The following TTC27 variants were observed in gnomAD, a reference collection of about 807,000 sequenced individuals.
TTC27 encodes tetratricopeptide repeat domain 27.
Under a neutral mutation model 115.9 loss-of-function variants are expected in TTC27, and 79 were observed. The ratio of observed to expected loss-of-function variants is 0.68; its 90% CI spans 0.57 to 0.82. The LOEUF (loss-of-function observed/expected upper bound fraction) is 0.82. Among genes scored for constraint, TTC27 ranks in the 40% least tolerant of loss-of-function variants. The pLI, the probability that TTC27 is intolerant of heterozygous loss-of-function variation, is 0.00. For missense variants in TTC27, 1,054 were observed against 993.1 expected (o/e 1.06, Z -0.82); for synonymous variants, 401 against 356.0 (o/e 1.13, Z -1.42).
At chr2:32,800,512 T>G (rs1455324247) in intron 16 of TTC27, among the ~76,000 whole-genome samples, 1 of 150,664 alleles carries the variant, frequency 6.6e-6, no homozygotes, top group African/African-American at 2.4e-5. Flanking sequence ...ATCATTATTT[T>G]TTTGAGACAG....
chr2:32,633,970 T>C lies in TTC27; in HGVS notation c.361T>C (p.Phe121Leu). Reference protein sequence around the residue: ...GPPVDLHPQDFLSSVLFQQFS... With the variant: ...GPPVDLHPQDLLSSVLFQQFS... The stretch of plus-strand genomic sequence containing the variant: ...CCCTGTTGACTTACACCCTCAGGAC[T>C]TTTTGTCATCTGTTTTGTTCCAGCA... The change falls in exon 3 of 20, where the codon TTT becomes CTT. Residue 121 changes from phenylalanine (F) to leucine (L), a missense_variant. Transcript: ENST00000317907. The C allele has an allele frequency of 6.2e-7, 1 of 1,613,800 alleles. No homozygotes were observed. The highest frequency in any genetic ancestry group is 8.5e-7 in the Non-Finnish European group (1 of 1,179,816).
chr2:32,743,523 A>T (rs545248632), intron 12 of TTC27, among the ~76,000 whole-genome samples: 1 of 152,326 alleles, frequency 6.6e-6, no homozygotes, highest in South Asian at 2.1e-4. Flanking sequence ...TCATAAATAT[A>T]AATGAGCCCC....
chr2:32,631,415 G>C (rs1664205793), intron 2 of TTC27, among the ~76,000 whole-genome samples: 1 of 152,200 alleles, frequency 6.6e-6, no homozygotes, highest in South Asian at 2.1e-4. Context: ...ATAGAGCTCA[G>C]AGAACTTAAT....
intron 16 of TTC27, among the ~76,000 whole-genome samples, chr2:32,807,622 T>C (rs754882937): frequency 6.6e-5 from 10 of 152,242 alleles, no homozygotes. Context: ...TAGGATACTA[T>C]GATTATGGGG....
chr2:32,704,091 C>G (rs1439377278), intron 10 of TTC27, among the ~76,000 whole-genome samples: 1 of 152,228 alleles, frequency 6.6e-6, no homozygotes, highest in South Asian at 2.1e-4. Context: ...ATTTCCTAAA[C>G]ATCCTACTGC....
intron 9 of TTC27, among the ~76,000 whole-genome samples, chr2:32,695,091 G>T (rs1197708141): frequency 1.3e-5 from 2 of 152,182 alleles, no homozygotes; most frequent in East Asian, 1.9e-4. Flanking sequence ...CAGTTCAGTG[G>T]CATTAAGTAC....
chr2:32,764,641 A>G (rs550226224), intron 13 of TTC27, among the ~76,000 whole-genome samples: 1 of 152,316 alleles, frequency 6.6e-6, no homozygotes, highest in Non-Finnish European at 1.5e-5. Flanking sequence ...CTTTCATGCC[A>G]GATTTCTCTG....
chr2:32,817,059 TTTTCCCAAAA>T, intron 18 of TTC27, among the ~76,000 whole-genome samples: 1 of 152,224 alleles, frequency 6.6e-6, no homozygotes, highest in South Asian at 2.1e-4. Context: ...AATCACCTGT[TTTTCCCAAAA>T]TTCCCTGGAG....
chr2:32,786,910 A>G, intron 15 of TTC27, 74 bp from the exon 16 acceptor site: 1 of 1,278,258 alleles, frequency 7.8e-7, no homozygotes, highest in Non-Finnish European at 1.1e-6. Flanking sequence ...TTAGTATTTT[A>G]TACATTTAGC....
intron 16 of TTC27, among the ~76,000 whole-genome samples, chr2:32,798,395 A>C (rs1172250741): frequency 6.8e-6 from 1 of 147,140 alleles, no homozygotes; most frequent in Non-Finnish European, 1.5e-5. Flanking sequence ...GCGCGACTCC[A>C]TCTCAAAAAA....
At chr2:32,642,133 A>G (rs1664674681) in intron 4 of TTC27, among the ~76,000 whole-genome samples, 1 of 152,058 alleles carries the variant, frequency 6.6e-6, no homozygotes, top group Non-Finnish European at 1.5e-5. Context: ...CTGGGATTAC[A>G]GGTGTGAGCC....
intron 10 of TTC27, among the ~76,000 whole-genome samples, chr2:32,724,942 G>C (rs1042903002): frequency 5.3e-5 from 8 of 152,204 alleles, no homozygotes; most frequent in African/African-American, 1.4e-4. Flanking sequence ...AAGGCAAGGA[G>C]GAGCAAGTCA....
chr2:32,817,986 G>A (rs1671562670), intron 19 of TTC27, among the ~76,000 whole-genome samples: 1 of 152,040 alleles, frequency 6.6e-6, no homozygotes, highest in Non-Finnish European at 1.5e-5. Flanking sequence ...GAACCCGGGA[G>A]GCAGAGGTTG....
At chr2:32,650,304 T>C (rs1665050357) in intron 5 of TTC27, 71 bp downstream of exon 5, 1 of 1,167,800 alleles carries the variant, frequency 8.6e-7, no homozygotes, top group East Asian at 2.4e-5. Flanking sequence ...ATACTCCTTT[T>C]TAGTTTATTT....
At chr2:32,698,435 G>GTTATTATTA (rs372830080) in intron 9 of TTC27, among the ~76,000 whole-genome samples, 2,436 of 145,456 alleles carry the variant, frequency 0.017, 24 homozygotes, top group Non-Finnish European at 0.02. Flanking sequence ...CAGCCATAAA[G>GTTATTATTA]TTATTATTAT....
At chr2:32,682,841 A>ATTTTTTTTTT (rs1559204114) in intron 9 of TTC27, among the ~76,000 whole-genome samples, 12 of 77,504 alleles carry the variant, frequency 1.5e-4, no homozygotes, top group Admixed American at 1.8e-4. Context: ...GATAATTTTT[A>ATTTTTTTTTT]TTGTTGTTTT....
chr2:32,717,304 A>G (rs947605694), intron 10 of TTC27, among the ~76,000 whole-genome samples: 1 of 152,142 alleles, frequency 6.6e-6, no homozygotes, highest in East Asian at 1.9e-4. Flanking sequence ...ACTTCAACCC[A>G]ATCTTACAGC....
At chr2:32,683,688 A>G (rs1235906411) in intron 9 of TTC27, among the ~76,000 whole-genome samples, 1 of 152,236 alleles carries the variant, frequency 6.6e-6, no homozygotes, top group East Asian at 1.9e-4. Flanking sequence ...ATATTGTTTT[A>G]GAGAGCCATT....
At chr2:32,704,470 G>A (rs1667298522) in intron 10 of TTC27, among the ~76,000 whole-genome samples, 1 of 152,186 alleles carries the variant, frequency 6.6e-6, no homozygotes, top group African/African-American at 2.4e-5. Context: ...TTACAGGCAT[G>A]AGCTGCTGTG....
Sources: allele counts gnomAD v4.1 joint callset (sites outside exome capture counted in the v4.1 genomes callset), GRCh38; gene constraint gnomAD v4.1.1; transcripts MANE v1.5; gene names NCBI Gene and HGNC (gene_info 2026-07-23, HGNC 2026-07-21).